Variants in PLAAT5 observed in about 807,000 individuals in gnomAD.
PLAAT5 encodes the protein Ca(2+)-independent N-acyltransferase.
A neutral mutation model predicts 27.8 loss-of-function variants in PLAAT5; 27 were observed. The ratio of observed to expected loss-of-function variants is 0.97; its 90% CI spans 0.72 to 1.34. The LOEUF is 1.34. PLAAT5 is among the 40% of genes most tolerant of loss of function. PLAAT5 has a pLI of 0.00. For missense variants in PLAAT5, 368 were observed against 343.8 expected, an observed-to-expected ratio of 1.07 and a Z score of -0.56; for synonymous variants, 125 against 136.1, an observed-to-expected ratio of 0.92 and a Z score of 0.57.
At chr11:63,466,475 A>G in intron 4 of PLAAT5, 103 bp from the exon 5 acceptor site, 1 of 1,177,420 alleles carries the variant, frequency 8.5e-7, no homozygotes, top group South Asian at 1.5e-5. Flanking sequence ...TCTCATTGGC[A>G]CCATCAGTAG....
chr11:63,490,828 C>T, intron 1 of PLAAT5, 59 bp downstream of exon 1: 1 of 1,490,382 alleles, frequency 6.7e-7, no homozygotes, highest in South Asian at 1.2e-5. Flanking sequence ...AGGGTAACCG[C>T]CCGCTGGGAC....
intron 2 of PLAAT5, 40 bp from the exon 3 acceptor site, chr11:63,489,016 A>T (rs2016501951): frequency 1.5e-6 from 2 of 1,341,710 alleles, no homozygotes; most frequent in Admixed American, 3.5e-5. Flanking sequence ...AAATATCACT[A>T]TTTCATAATT....
chr11:63,479,020 C>T (rs144361699), intron 3 of PLAAT5, among the ~76,000 whole-genome samples: 143 of 152,298 alleles, frequency 9.4e-4, no homozygotes, highest in Admixed American at 2.1e-3. Context: ...AGGCTTCTCA[C>T]CCAGAAAGCA....
intron 3 of PLAAT5, among the ~76,000 whole-genome samples, chr11:63,471,103 G>A (rs1000448818): frequency 2.6e-5 from 4 of 152,100 alleles, no homozygotes; most frequent in African/African-American, 9.7e-5. Flanking sequence ...CCAGCATGAA[G>A]AACACCAGAG....
chr11:63,476,434 G>C (rs1173966210), intron 3 of PLAAT5, among the ~76,000 whole-genome samples: 1 of 152,114 alleles, frequency 6.6e-6, no homozygotes, highest in Non-Finnish European at 1.5e-5. Context: ...ATTCATCTGG[G>C]ACTATCTTTA....
chr11:63,490,283 G>T lies in PLAAT5; in HGVS notation c.199C>A (p.Pro67Thr). 1 of 1,614,190 alleles carries T rather than the reference G, an allele frequency of 6.2e-7. No individual in the cohort carries two copies. The highest frequency in any genetic ancestry group is 1.3e-5 in the African/African-American group (1 of 75,048). Residue 67 changes from proline to threonine, a missense_variant, in exon 2 of 6, where the codon CCG becomes ACG. Pro to Thr is a conservative substitution (Grantham distance 38). Transcript: ENST00000540857. ...ALVQLPAKQPPPGTLEQGRSI... is the reference protein window; with the variant it reads ...ALVQLPAKQPTPGTLEQGRSI... ...CTGCCCTGTTCTAATGTGCCCGGCGGAGGCTGCTTGGCTGGGAGCTGGACC... is the reference window on the plus strand; with the variant it reads ...CTGCCCTGTTCTAATGTGCCCGGCGTAGGCTGCTTGGCTGGGAGCTGGACC...
chr11:63,486,434 G>GCA (rs1255697941), intron 3 of PLAAT5, among the ~76,000 whole-genome samples: 3 of 151,272 alleles, frequency 2.0e-5, no homozygotes, highest in African/African-American at 4.9e-5. Flanking sequence ...ATATATATAT[G>GCA]CACACACACA....
chr11:63,483,647 CAAAAAAAA>C (rs899244670), intron 3 of PLAAT5, among the ~76,000 whole-genome samples: 1 of 64,276 alleles, frequency 1.6e-5, no homozygotes, highest in Non-Finnish European at 3.2e-5. Context: ...ATGCCTACAC[CAAAAAAAA>C]AAAAAAAAAA....
chr11:63,485,969 C>T (rs958832510), intron 3 of PLAAT5, among the ~76,000 whole-genome samples: 4 of 152,000 alleles, frequency 2.6e-5, no homozygotes, highest in African/African-American at 9.7e-5. Flanking sequence ...GGGCAAAGGA[C>T]ATGAACAGGC....
chr11:63,482,006 T>C (rs1479205058), intron 3 of PLAAT5, among the ~76,000 whole-genome samples: 1 of 152,024 alleles, frequency 6.6e-6, no homozygotes, highest in Non-Finnish European at 1.5e-5. Context: ...TGTATACATA[T>C]GTAACAAACC....
chr11:63,469,139 T>TGA (rs1413984282), intron 3 of PLAAT5, among the ~76,000 whole-genome samples: 31 of 146,624 alleles, frequency 2.1e-4, no homozygotes, highest in African/African-American at 7.6e-4. Flanking sequence ...TGTGTGTGTG[T>TGA]GTGTGTGAGA....
rs1334365591 is a variant in PLAAT5 at position 63,466,327 on chromosome 11, C to T, written c.500G>A (p.Arg167Gln). ...VGSITSIFSN[R>Q]AVVKYSRLED... Reference sequence around the variant, plus strand: ...CAGACGACTGTATTTCACCACGGCCCGATTGCTAAAGATGGAAGTAATGCT... The same window carrying T: ...CAGACGACTGTATTTCACCACGGCCTGATTGCTAAAGATGGAAGTAATGCT... The change falls in exon 5 of 6, where the codon CGG (arginine) becomes CAG (glutamine). Residue 167 changes from arginine to glutamine, a missense_variant. By Grantham distance (43) the Arg-to-Gln change is conservative. Transcript: ENST00000540857. The T allele has an allele frequency of 1.1e-5, 17 of 1,614,060 alleles. No individual in the cohort carries two copies. Among genetic ancestry groups the T allele is most frequent in the African/African-American group, 4.0e-5 (3 of 75,010 alleles).
intron 3 of PLAAT5, among the ~76,000 whole-genome samples, chr11:63,483,813 A>G (rs866200474): frequency 9.8e-5 from 10 of 102,466 alleles, no homozygotes; most frequent in South Asian, 3.4e-4. Flanking sequence ...ATATATATAT[A>G]TATATATATA....
intron 1 of PLAAT5, 190 bp from the exon 2 acceptor site, chr11:63,490,523 G>T: frequency 1.2e-6 from 1 of 829,120 alleles, no homozygotes; most frequent in Non-Finnish European, 1.9e-6. Flanking sequence ...CAGTTCCTCT[G>T]CCAAAGAGAG....
intron 3 of PLAAT5, among the ~76,000 whole-genome samples, chr11:63,476,450 C>T (rs1187788228): frequency 1.3e-5 from 2 of 152,020 alleles, no homozygotes; most frequent in Non-Finnish European, 2.9e-5. Context: ...CTTTATTTCA[C>T]CTTCATTTTT....
chr11:63,486,438 A>G (rs970546833), intron 3 of PLAAT5, among the ~76,000 whole-genome samples: 12 of 152,222 alleles, frequency 7.9e-5, no homozygotes, highest in African/African-American at 2.9e-4. Context: ...ATATATGCAC[A>G]CACACACACA....
At chr11:63,483,817 A>ATATATATATATG (rs2016360064) in intron 3 of PLAAT5, among the ~76,000 whole-genome samples, 2 of 104,670 alleles carry the variant, frequency 1.9e-5, no homozygotes, top group African/African-American at 7.3e-5. Flanking sequence ...ATATATATAT[A>ATATATATATATG]TATATATATA....
At chr11:63,483,828 T>C (rs866838993) in intron 3 of PLAAT5, among the ~76,000 whole-genome samples, 29 of 112,686 alleles carry the variant, frequency 2.6e-4, no homozygotes, top group Admixed American at 1.0e-3. Context: ...TATATATATA[T>C]ATATATATAT....
chr11:63,490,957 G>C lies in PLAAT5; in HGVS notation c.78C>G (p.Ala26=). The C allele has an allele frequency of 1.9e-6, 3 of 1,594,526 alleles. No homozygotes were observed. Among genetic ancestry groups the C allele is most frequent in the Non-Finnish European group, 2.6e-6 (3 of 1,170,890 alleles). The change falls in exon 1 of 6, where the codon GCC becomes GCG. Residue 26 remains alanine (A), a synonymous_variant. Transcript: ENST00000540857. ...TGGGCCCGGTACTGGCGGTTCGCGA[G>C]GCGGGTTTGGGGAGGGGTGGGGGAA... ...PRIPPPLPKP[A]SRTASTGPKD... is the part of the protein sequence containing the mutation.
Sources: gnomAD v4.1 joint callset for allele counts (sites outside exome capture counted in the v4.1 genomes callset) on GRCh38, gnomAD v4.1.1 for gene constraint, MANE v1.5 for transcripts, NCBI Gene and HGNC (gene_info 2026-07-23, HGNC 2026-07-21) for gene names.